ACTR3C: variants seen among roughly 807,000 people sequenced by gnomAD.
The protein encoded by ACTR3C is actin-related protein 3C.
Under a neutral mutation model 26.3 loss-of-function variants are expected in ACTR3C, and 18 were observed. The observed-to-expected ratio is 0.68, with a 90% CI of 0.47 to 1.01. ACTR3C has a LOEUF of 1.01. ACTR3C is among the 50% of genes least tolerant of loss of function. The pLI is 0.00. For missense variants in ACTR3C, 184 were observed against 250.7 expected (o/e 0.73, Z 1.80); for synonymous variants, 55 against 94.5 (o/e 0.58, Z 2.42).
chr7:150,205,330 G>A, the ACTR3C span, among the ~76,000 whole-genome samples: 1 of 152,100 alleles, frequency 6.6e-6, no homozygotes, highest in South Asian at 2.1e-4. Flanking sequence ...CATCATTTTC[G>A]TTAGAGCTTA....
At chr7:150,253,894 TAC>T (rs961917639) in intron 6 of ACTR3C, among the ~76,000 whole-genome samples, 2 of 148,778 alleles carry the variant, frequency 1.3e-5, no homozygotes, top group Non-Finnish European at 2.9e-5. Flanking sequence ...GGTTGCTAAG[TAC>T]AGTTTTTTTT....
At chr7:150,090,647 T>A in the ACTR3C span, among the ~76,000 whole-genome samples, 1 of 149,680 alleles carries the variant, frequency 6.7e-6, no homozygotes, top group Admixed American at 6.7e-5. Flanking sequence ...TAGCTGGGCA[T>A]TATAGCAACT....
chr7:150,214,630 G>A, the ACTR3C span, among the ~76,000 whole-genome samples: 1 of 151,916 alleles, frequency 6.6e-6, no homozygotes, highest in African/African-American at 2.4e-5. Context: ...GAATAGGACC[G>A]AAAAAAAGTT....
the ACTR3C span, among the ~76,000 whole-genome samples, chr7:150,030,722 G>A: frequency 1.3e-5 from 2 of 152,054 alleles, no homozygotes; most frequent in East Asian, 3.8e-4. Context: ...ACCCTTGAAG[G>A]TCCTGCTCAG....
the ACTR3C span, among the ~76,000 whole-genome samples, chr7:150,237,048 A>G: frequency 2.0e-5 from 3 of 151,736 alleles, no homozygotes; most frequent in African/African-American, 7.3e-5. Context: ...GTCAACAGCC[A>G]GGGGTAGGTG....
At chr7:150,016,577 A>G in the ACTR3C span, among the ~76,000 whole-genome samples, 1 of 152,066 alleles carries the variant, frequency 6.6e-6, no homozygotes, top group African/African-American at 2.4e-5. Flanking sequence ...GCATGTTTCA[A>G]TCATAGGTAT....
the ACTR3C span, among the ~76,000 whole-genome samples, chr7:150,195,079 G>A: frequency 1.4e-5 from 2 of 147,364 alleles, no homozygotes; most frequent in East Asian, 4.1e-4. Context: ...GGGCAACAGA[G>A]TGAGACTCTG....
At chr7:150,101,452 T>C in the ACTR3C span, among the ~76,000 whole-genome samples, 2 of 151,688 alleles carry the variant, frequency 1.3e-5, no homozygotes, top group Admixed American at 1.3e-4. Flanking sequence ...GAAATAACTC[T>C]CTTCTGACCC....
downstream of ACTR3C, chr7:150,247,078 G>C (rs1011153866): frequency 6.6e-6 from 1 of 152,340 alleles, no homozygotes; most frequent in Non-Finnish European, 1.5e-5. Flanking sequence ...TTACAGGCGT[G>C]AGCCACCGCA....
the ACTR3C span, among the ~76,000 whole-genome samples, chr7:149,962,249 A>G: frequency 6.6e-6 from 1 of 152,116 alleles, no homozygotes; most frequent in Admixed American, 6.5e-5. Flanking sequence ...AGCTCATGGG[A>G]AGTGTAAGCT....
chr7:150,012,202 CT>C, the ACTR3C span, among the ~76,000 whole-genome samples: 3 of 150,274 alleles, frequency 2.0e-5, no homozygotes, highest in Non-Finnish European at 4.4e-5. Flanking sequence ...TAAAGAAGCT[CT>C]TTTTTTTTCT....
intron 6 of ACTR3C, among the ~76,000 whole-genome samples, chr7:150,277,258 G>A (rs1026683433): frequency 4.6e-5 from 7 of 152,038 alleles, no homozygotes; most frequent in African/African-American, 7.2e-5. Context: ...TGGGAGGCTC[G>A]AGCCCAGGAG....
chr7:150,223,124 G>C, the ACTR3C span, among the ~76,000 whole-genome samples: 1 of 152,068 alleles, frequency 6.6e-6, no homozygotes, highest in East Asian at 1.9e-4. Flanking sequence ...ACAACTGTTT[G>C]GATTTTATCA....
chr7:150,009,904 C>T, the ACTR3C span, among the ~76,000 whole-genome samples: 7,353 of 152,308 alleles, frequency 0.048, 431 homozygotes, highest in African/African-American at 0.15. Flanking sequence ...ATATTCAGTC[C>T]TTCTTCAGCT....
At chr7:149,924,026 A>G in the ACTR3C span, among the ~76,000 whole-genome samples, 1 of 151,730 alleles carries the variant, frequency 6.6e-6, no homozygotes, top group Non-Finnish European at 1.5e-5. Context: ...GAAGCCCTAA[A>G]TAACATAATT....
the ACTR3C span, among the ~76,000 whole-genome samples, chr7:150,050,355 T>C: frequency 6.6e-6 from 1 of 152,244 alleles, no homozygotes; most frequent in East Asian, 1.9e-4. Flanking sequence ...TGTGTGCATA[T>C]TAATCATAGA....
the ACTR3C span, among the ~76,000 whole-genome samples, chr7:150,097,720 C>T: frequency 4.0e-5 from 6 of 151,498 alleles, no homozygotes; most frequent in Admixed American, 6.6e-5. Context: ...ATGAGGGAAG[C>T]GACACTGACA....
At chr7:150,123,084 G>A in the ACTR3C span, among the ~76,000 whole-genome samples, 2 of 151,122 alleles carry the variant, frequency 1.3e-5, no homozygotes, top group Non-Finnish European at 2.9e-5. Flanking sequence ...GGGGTCTGTC[G>A]AGGGTGGGGG....
chr7:150,264,073 C>T lies in ACTR3C; in HGVS notation c.565-15019G>A, dbSNP rs144846415. ...CTGAGCGCCGGGAGAGCTGCACACACCACCCCACGAGTAGGCCCCTAAAAC... is the reference window on the plus strand; with the variant it reads ...CTGAGCGCCGGGAGAGCTGCACACATCACCCCACGAGTAGGCCCCTAAAAC... On this transcript the variant is annotated intron_variant, in intron 6 of 7. Coordinates refer to ENST00000683684, the MANE Select transcript of ACTR3C (RefSeq NM_001164458.2). Among the ~76,000 whole-genome samples, 513 of 152,322 alleles carry T rather than the reference C, an allele frequency of 3.4e-3. 3 individuals are homozygous for T. The highest frequency in any genetic ancestry group is 0.012 in the African/African-American group (490 of 41,576).
Sources: allele counts gnomAD v4.1 joint callset (sites outside exome capture counted in the v4.1 genomes callset), GRCh38; gene constraint gnomAD v4.1.1; transcripts MANE v1.5; gene names NCBI Gene and HGNC (gene_info 2026-07-23, HGNC 2026-07-21).